The following BTN2A1 variants were observed in gnomAD, a reference collection of about 807,000 sequenced individuals.
The protein encoded by BTN2A1 is butyrophilin subfamily 2 member A1, also known as butyrophilin, subfamily 2, member A1.
Under a neutral mutation model 34.5 loss-of-function variants are expected in BTN2A1, and 41 were observed. The ratio of observed to expected loss-of-function variants is 1.19; its 90% CI spans 0.93 to 1.54. BTN2A1 has a LOEUF of 1.54. Among genes scored for constraint, BTN2A1 ranks in the 40% most tolerant of loss-of-function variants. The probability of loss-of-function intolerance (pLI) is 0.00; values close to 1 mark genes in which losing one functional copy is unlikely to be tolerated. For synonymous variants in BTN2A1, 267 were observed against 258.6 expected, an observed-to-expected ratio of 1.03 and a Z score of -0.31; for missense variants, 642 against 662.0, an observed-to-expected ratio of 0.97 and a Z score of 0.33.
At chr6:26,467,898 T>C (rs1329948852) in intron 7 of BTN2A1, 50 bp from the exon 8 acceptor site, 1 of 1,583,946 alleles carries the variant, frequency 6.3e-7, no homozygotes, top group Admixed American at 1.8e-5. Flanking sequence ...AACCACACAA[T>C]CCCCAGGGTT....
rs1763067529 is a variant in BTN2A1, at chr6:26,458,465, C to T, written c.-30-142C>T. On this transcript the variant is annotated intron_variant, in intron 1 of 7. Transcript: ENST00000312541. ...TGGAATGTTTAAGGAATCCCTCTCTCGGGACATACCTGAGCCTTCGGATGC... is the reference window on the plus strand; with the variant it reads ...TGGAATGTTTAAGGAATCCCTCTCTTGGGACATACCTGAGCCTTCGGATGC... 8 of 670,826 alleles carry T rather than the reference C, an allele frequency of 1.2e-5. No homozygotes were observed. In the South Asian group the frequency reaches 1.4e-4, roughly 12 times the overall value. The allele number at this position is 670,826 out of a possible 1,614,324, so 41.6% of individuals were successfully genotyped here. A position where few individuals can be genotyped will look rare whatever the true frequency, so the allele number is the denominator to read the frequency against.
intron 3 of BTN2A1, among the ~76,000 whole-genome samples, chr6:26,461,660 G>C (rs1357221873): frequency 6.6e-6 from 1 of 152,178 alleles, no homozygotes. Context: ...GCACATGCCT[G>C]TAGTCCCAGC....
intron 3 of BTN2A1, among the ~76,000 whole-genome samples, chr6:26,461,751 C>A (rs1210423009): frequency 6.6e-6 from 1 of 151,604 alleles, no homozygotes; most frequent in Non-Finnish European, 1.5e-5. Context: ...CCATTTCACT[C>A]TAGCCTGGGC....
chr6:26,474,250 G>A (rs1337972989), downstream of BTN2A1, among the ~76,000 whole-genome samples: 4 of 152,084 alleles, frequency 2.6e-5, no homozygotes, highest in Non-Finnish European at 4.4e-5. Context: ...TTCAGTCGGC[G>A]GCAGTCAACC....
rs1421007655 is a variant in BTN2A1 at position 26,459,382 on chromosome 6, T to A, written c.83-99T>A. On this transcript the variant is annotated intron_variant, in intron 2 of 7. Coordinates refer to ENST00000312541, the MANE Select transcript of BTN2A1 (RefSeq NM_007049.5). Reference sequence around the variant, plus strand: ...TCAGCCCAAAGAGACCCTATGGCCATGGAAAAAATAAGTTTGTCCCTAGAA... The same window carrying A: ...TCAGCCCAAAGAGACCCTATGGCCAAGGAAAAAATAAGTTTGTCCCTAGAA... 4 of 1,347,350 alleles carry A rather than the reference T, an allele frequency of 3.0e-6. No individual in the cohort carries two copies. The East Asian group carries it at 9.7e-5, about 33-fold the overall frequency. The allele number at this position is 1,347,350 out of a possible 1,614,324, so 83.5% of individuals were successfully genotyped here.
chr6:26,467,821 C>T (rs1763356229), intron 7 of BTN2A1, 127 bp from the exon 8 acceptor site: 2 of 1,556,568 alleles, frequency 1.3e-6, no homozygotes, highest in South Asian at 2.4e-5. Flanking sequence ...GATCAGAGAG[C>T]CTTCATGGAA....
chr6:26,458,590 C>A lies in BTN2A1; in HGVS notation c.-30-17C>A. The A allele has an allele frequency of 6.2e-7, 1 of 1,603,786 alleles. No homozygotes were observed. ...AGGTGCCAAGACTCCTAGGCTGATT[C>A]TCCTCTGTAACCCTAGGCCTCCTGT... On this transcript the variant is annotated splice_polypyrimidine_tract_variant and intron_variant, in intron 1 of 7. Transcript: ENST00000312541.
chr6:26,475,069 C>T (rs553711826), intron 7 of BTN2A1, among the ~76,000 whole-genome samples: 168 of 152,128 alleles, frequency 1.1e-3, no homozygotes, highest in Admixed American at 2.3e-3. Context: ...AGCCAGGAGA[C>T]GAAAAGACTC....
chr6:26,470,281 A>G (rs1763425214), downstream of BTN2A1, among the ~76,000 whole-genome samples: 1 of 152,090 alleles, frequency 6.6e-6, no homozygotes, highest in Non-Finnish European at 1.5e-5. Flanking sequence ...AGTGGGGTGG[A>G]GGTTGCAGTG....
chr6:26,468,753 T>C lies in BTN2A1; in HGVS notation c.*204T>C, dbSNP rs1246048559. 6 of 1,609,594 alleles carry C rather than the reference T, an allele frequency of 3.7e-6. No individual in the cohort carries two copies. Among genetic ancestry groups the C allele is most frequent in the Non-Finnish European group, 5.1e-6 (6 of 1,177,816 alleles). ...GCTGTGTTTTTAGTAGTTCCTTTGCTTGTAACTATGGGATGGGATCCAGGC... is the reference window on the plus strand; with the variant it reads ...GCTGTGTTTTTAGTAGTTCCTTTGCCTGTAACTATGGGATGGGATCCAGGC... On this transcript the variant is annotated 3_prime_UTR_variant, in exon 8 of 8. Transcript: ENST00000312541.
chr6:26,466,916 C>T (rs1182681450), intron 7 of BTN2A1, among the ~76,000 whole-genome samples: 1 of 152,078 alleles, frequency 6.6e-6, no homozygotes, highest in Non-Finnish European at 1.5e-5. Flanking sequence ...GCAGAATGCC[C>T]GGAGTCTGGA....
intron 4 of BTN2A1, among the ~76,000 whole-genome samples, chr6:26,464,854 G>T (rs531999906): frequency 6.6e-6 from 1 of 152,292 alleles, no homozygotes; most frequent in South Asian, 2.1e-4. Flanking sequence ...GAAGGTAAGG[G>T]CAGAATAAGA....
At chr6:26,462,700 T>G in intron 3 of BTN2A1, 1 of 809,028 alleles carries the variant, frequency 1.2e-6, no homozygotes, top group Non-Finnish European at 1.8e-6. Flanking sequence ...TTATGTGAAG[T>G]TCTGAACTAG....
At position 26,468,444 on chromosome 6, in the gene BTN2A1, G is replaced by T. The variant is rs764973330; in HGVS notation, c.1479G>T (p.Glu493Asp). 394 of 1,613,856 alleles carry T rather than the reference G, an allele frequency of 2.4e-4. No homozygotes were observed. The highest frequency in any genetic ancestry group is 4.9e-4 in the East Asian group (22 of 44,886). The change falls in exon 8 of 8, where the codon GAG becomes GAT. Residue 493 changes from glutamate (E) to aspartate (D), a missense_variant. Glu to Asp is a conservative substitution (Grantham distance 45). Transcript: ENST00000312541. Reference protein sequence around the residue: ...PVRPFFRLGCEDSPIFICPAL... With the variant: ...PVRPFFRLGCDDSPIFICPAL... ...GGCCCTTCTTCAGGTTGGGGTGTGAGGACAGCCCCATCTTCATCTGCCCTG... is the reference window on the plus strand; with the variant it reads ...GGCCCTTCTTCAGGTTGGGGTGTGATGACAGCCCCATCTTCATCTGCCCTG...
chr6:26,472,618 G>T (rs976608953), downstream of BTN2A1, among the ~76,000 whole-genome samples: 3 of 152,096 alleles, frequency 2.0e-5, no homozygotes, highest in African/African-American at 7.2e-5. Context: ...TTGCAAGCAG[G>T]GGACCTCTGG....
chr6:26,466,910 A>G (rs1383322651), intron 7 of BTN2A1, among the ~76,000 whole-genome samples: 1 of 152,202 alleles, frequency 6.6e-6, no homozygotes, highest in Non-Finnish European at 1.5e-5. Context: ...AGGTCTGCAG[A>G]ATGCCCGGAG....
chr6:26,460,782 T>G (rs1763145024), intron 3 of BTN2A1, among the ~76,000 whole-genome samples: 1 of 152,168 alleles, frequency 6.6e-6, no homozygotes, highest in Admixed American at 6.5e-5. Flanking sequence ...TTGTGGAGTG[T>G]GCCTGTAATC....
Position 26,468,138 on chromosome 6 carries a change from G to A in BTN2A1, c.1173G>A (p.Glu391=). 1 of 1,614,194 alleles carries A rather than the reference G, an allele frequency of 6.2e-7. No homozygotes were observed. ...CAGGGAAACATTACTGGGAGGTGGA[G>A]GTGGAAAACGTGATTGAGTGGACTG... ...FASGKHYWEV[E]VENVIEWTVG... is the part of the protein sequence containing the mutation. Residue 391 remains glutamate (E), a synonymous_variant, in exon 8 of 8, where the codon GAG becomes GAA. Transcript: ENST00000312541.
intron 3 of BTN2A1, among the ~76,000 whole-genome samples, chr6:26,461,876 C>T (rs35627490): frequency 0.063 from 9,551 of 151,968 alleles, 382 homozygotes; most frequent in Non-Finnish European, 0.094. Flanking sequence ...AAAAAAGTAG[C>T]TGGGCATGGT....
Sources: gnomAD v4.1 joint callset for allele counts (sites outside exome capture counted in the v4.1 genomes callset) on GRCh38, gnomAD v4.1.1 for gene constraint, MANE v1.5 for transcripts, NCBI Gene and HGNC (gene_info 2026-07-23, HGNC 2026-07-21) for gene names.